The following ABCD3 variants were observed in gnomAD, a reference collection of about 807,000 sequenced individuals.
The protein encoded by ABCD3 is ATP binding cassette subfamily D member 3, also known as ATP-binding cassette sub-family D member 3.
ABCD3 carries 41 observed loss-of-function variants against 105.5 expected under a neutral mutation model. The ratio of observed to expected loss-of-function variants is 0.39; its 90% CI spans 0.30 to 0.50. The LOEUF (loss-of-function observed/expected upper bound fraction) is 0.50, where lower values mean the gene tolerates loss of function less well. ABCD3 is among the 20% of genes least tolerant of loss of function. The pLI is 0.84. For synonymous variants in ABCD3, 258 were observed against 269.0 expected (o/e 0.96, Z 0.40); for missense variants, 622 against 806.3 (o/e 0.77, Z 2.77).
rs1659104590 is a variant in ABCD3 at position 94,418,405 on chromosome 1, C to T, written c.-74C>T. On this transcript the variant is annotated 5_prime_UTR_variant, in exon 1 of 23. Coordinates refer to ENST00000370214, the MANE Select transcript of ABCD3 (RefSeq NM_002858.4). ...TGCTCTCCTCCCAGTCTCCCCCGCG[C>T]TGCGTGCAGTAAGGTAGCCGCCGCC... 6.2e-6 allele frequency: 8 copies of T among 1,299,208 alleles called. No individual in the cohort carries two copies. Among genetic ancestry groups the T allele is most frequent in the Middle Eastern group, 4.9e-4 (2 of 4,094 alleles). The allele number at this position is 1,299,208 out of a possible 1,614,324, so 80.5% of individuals were successfully genotyped here. A position where few individuals can be genotyped will look rare whatever the true frequency, so the allele number is the denominator to read the frequency against.
intron 22 of ABCD3, among the ~76,000 whole-genome samples, 153 bp downstream of exon 22, chr1:94,515,355 C>G (rs1031218529): frequency 6.6e-6 from 1 of 151,912 alleles, no homozygotes; most frequent in African/African-American, 2.4e-5. Flanking sequence ...ATAGGATTTT[C>G]TTAAATATTA....
Position 94,487,680 on chromosome 1 carries a change from C to T in ABCD3, c.968-14C>T. ...ATACTGTTACTGTTTTAAATCTTAC[C>T]TGTTTGGTTTCAGACCTTGCCACTG... On this transcript the variant is annotated splice_polypyrimidine_tract_variant and intron_variant, in intron 11 of 22. Transcript: ENST00000370214. 6.2e-7 allele frequency: 1 copy of T among 1,613,518 alleles called. No homozygotes were observed. The highest frequency in any genetic ancestry group is 1.1e-5 in the South Asian group (1 of 91,056).
At chr1:94,478,366 A>T in intron 8 of ABCD3, 51 bp downstream of exon 8, 1 of 1,405,456 alleles carries the variant, frequency 7.1e-7, no homozygotes, top group Non-Finnish European at 1.0e-6. Flanking sequence ...TAATATTTGA[A>T]ATACATATTG....
intron 4 of ABCD3, among the ~76,000 whole-genome samples, 181 bp downstream of exon 4, chr1:94,468,188 T>C (rs1648253051): frequency 6.6e-6 from 1 of 152,222 alleles, no homozygotes; most frequent in Admixed American, 6.5e-5. Context: ...GGCAATGTGC[T>C]ATACTGTGAT....
Position 94,489,710 on chromosome 1 carries a change from T to C in ABCD3, c.1158-15T>C. 1 of 1,595,462 alleles carries C rather than the reference T, an allele frequency of 6.3e-7. No individual in the cohort carries two copies. The highest frequency in any genetic ancestry group is 8.6e-7 in the Non-Finnish European group (1 of 1,163,930). ...TCTGGAGTTTTGATTATGGTTTCCT[T>C]TTCTAAAATTTTAGTTTTACTGCTC... On this transcript the variant is annotated splice_polypyrimidine_tract_variant and intron_variant, in intron 13 of 22. Transcript: ENST00000370214.
intron 4 of ABCD3, among the ~76,000 whole-genome samples, chr1:94,469,991 G>A (rs1298008321): frequency 2.0e-5 from 3 of 152,022 alleles, no homozygotes; most frequent in Non-Finnish European, 4.4e-5. Context: ...TAGCAATCAC[G>A]TTTGAATTTG....
chr1:94,488,478 A>T (rs554803900), intron 13 of ABCD3, among the ~76,000 whole-genome samples: 1 of 152,218 alleles, frequency 6.6e-6, no homozygotes, highest in Non-Finnish European at 1.5e-5. Flanking sequence ...AATTATCTTT[A>T]GACAGTAGAA....
chr1:94,401,884 T>C, the ABCD3 span, among the ~76,000 whole-genome samples: 2 of 152,204 alleles, frequency 1.3e-5, no homozygotes, highest in African/African-American at 2.4e-5. Context: ...CATTTGTAAA[T>C]ACCCATAAAA....
At chr1:94,479,878 A>G (rs1053819261) in intron 8 of ABCD3, among the ~76,000 whole-genome samples, 1 of 152,098 alleles carries the variant, frequency 6.6e-6, no homozygotes, top group Non-Finnish European at 1.5e-5. Flanking sequence ...GGTCACGTAC[A>G]AAGTTATTAA....
At chr1:94,425,200 T>A (rs915525234) in intron 1 of ABCD3, among the ~76,000 whole-genome samples, 2 of 152,204 alleles carry the variant, frequency 1.3e-5, no homozygotes, top group African/African-American at 4.8e-5. Flanking sequence ...AAAGACAATT[T>A]AAGAAAATTA....
At chr1:94,446,109 G>T (rs1290490235) in intron 1 of ABCD3, among the ~76,000 whole-genome samples, 1 of 152,220 alleles carries the variant, frequency 6.6e-6, no homozygotes. Context: ...TGCTGAGCCT[G>T]AAATATGTCC....
chr1:94,385,230 T>C, the ABCD3 span, among the ~76,000 whole-genome samples: 6 of 152,114 alleles, frequency 3.9e-5, no homozygotes, highest in South Asian at 1.2e-3. Flanking sequence ...CACATGGCCA[T>C]CCCGAGAGGT....
At chr1:94,456,672 A>G (rs564885590) in intron 1 of ABCD3, among the ~76,000 whole-genome samples, 1 of 151,576 alleles carries the variant, frequency 6.6e-6, no homozygotes, top group Non-Finnish European at 1.5e-5. Context: ...GGTTGATTCC[A>G]TATCTCTTAC....
chr1:94,391,944 T>C, the ABCD3 span, among the ~76,000 whole-genome samples: 6 of 152,158 alleles, frequency 3.9e-5, no homozygotes, highest in Admixed American at 1.3e-4. Context: ...CAATTTTTCA[T>C]CTGCCACACA....
intron 1 of ABCD3, among the ~76,000 whole-genome samples, chr1:94,450,236 C>A (rs12132309): frequency 1.3e-5 from 2 of 152,204 alleles, no homozygotes; most frequent in Non-Finnish European, 2.9e-5. Context: ...CCAACTCCTG[C>A]GAGAAGTAGC....
At position 94,517,091 on chromosome 1, in the gene ABCD3, A is replaced by C; in HGVS notation, c.1942A>C (p.Lys648Gln). 5.0e-6 allele frequency: 8 copies of C among 1,611,164 alleles called. No individual in the cohort carries two copies. The highest frequency in any genetic ancestry group is 6.8e-6 in the Non-Finnish European group (8 of 1,177,762). Residue 648 changes from lysine to glutamine, a missense_variant, in exon 23 of 23, where the codon AAA (lysine) becomes CAA (glutamine). Transcript: ENST00000370214. ...HMDGRGNYEF[K>Q]QITEDTVEFG... ...GGATGGCAGAGGCAACTATGAATTC[A>C]AACAGATAACAGAAGATACAGTTGA...
intron 13 of ABCD3, among the ~76,000 whole-genome samples, chr1:94,489,424 T>G (rs1649423412): frequency 6.6e-6 from 1 of 152,064 alleles, no homozygotes; most frequent in Non-Finnish European, 1.5e-5. Flanking sequence ...GTGGTCCTTT[T>G]GTAGTATCCA....
chr1:94,511,450 G>C (rs1408695794), intron 21 of ABCD3, among the ~76,000 whole-genome samples: 2 of 152,056 alleles, frequency 1.3e-5, no homozygotes, highest in Non-Finnish European at 2.9e-5. Flanking sequence ...CAACTTTGGT[G>C]AATCTGACAA....
intron 16 of ABCD3, among the ~76,000 whole-genome samples, chr1:94,492,034 C>G (rs921459694): frequency 6.6e-6 from 1 of 152,064 alleles, no homozygotes; most frequent in African/African-American, 2.4e-5. Context: ...CTTTCACTGT[C>G]CAGTAAAATA....
Sources: gnomAD v4.1 joint callset for allele counts (sites outside exome capture counted in the v4.1 genomes callset) on GRCh38, gnomAD v4.1.1 for gene constraint, MANE v1.5 for transcripts, NCBI Gene and HGNC (gene_info 2026-07-23, HGNC 2026-07-21) for gene names.